Variants in COL2A1 observed in about 807,000 individuals in gnomAD.
The protein encoded by COL2A1 is collagen alpha-1(II) chain.
In COL2A1, 28 loss-of-function variants were observed where a neutral mutation model predicts 204.5. The ratio of observed to expected loss-of-function variants is 0.14; its 90% CI spans 0.10 to 0.19. The LOEUF is 0.19. COL2A1 is among the 10% of genes least tolerant of loss of function. COL2A1 has a pLI of 1.00. For synonymous variants in COL2A1, 708 were observed against 718.7 expected (o/e 0.99, Z 0.24); for missense variants, 1,388 against 2,027.5 (o/e 0.68, Z 6.06).
chr12:47,997,623 G>A lies in COL2A1; in HGVS notation c.514C>T (p.Pro172Ser). 6.2e-7 allele frequency: 1 copy of A among 1,613,820 alleles called. No individual in the cohort carries two copies. Among genetic ancestry groups the A allele is most frequent in the Non-Finnish European group, 8.5e-7 (1 of 1,179,902 alleles). The change falls in exon 7 of 54, where the codon CCC becomes TCC. Residue 172 changes from proline (P) to serine (S), a missense_variant. Physicochemically the swap from Pro to Ser is moderately conservative, Grantham distance 74. Around this residue, in one of 3 missense-constraint regions of COL2A1, gnomAD observed 201 missense variants for 242.4 expected, o/e 0.83. Coordinates refer to ENST00000380518, the MANE Select transcript of COL2A1 (RefSeq NM_001844.5). Reference protein sequence around the residue: ...GPPGPPGPPGPPGLGGNFAAQ... With the variant: ...GPPGPPGPPGSPGLGGNFAAQ... ...ATACTTACTCCACCAAGACCAGGGG[G>A]ACCAGGGGGGCCGGGAGGACCAGGG...
Position 47,987,496 on chromosome 12 carries a change from G to A in COL2A1, c.1221+115C>T. On this transcript the variant is annotated intron_variant, in intron 19 of 53. Transcript: ENST00000380518. The surrounding 1 kb of genome is among the most constrained non-coding windows in gnomAD (Gnocchi z 4.1). ...ATCTAGAGGTGGGGACAGGCATTGGGCCAGAATGAAGGTTTGGTGGTTGGA... is the reference window on the plus strand; with the variant it reads ...ATCTAGAGGTGGGGACAGGCATTGGACCAGAATGAAGGTTTGGTGGTTGGA... The A allele has an allele frequency of 9.1e-7, 1 of 1,101,576 alleles. No individual in the cohort carries two copies. The allele number at this position is 1,101,576 out of a possible 1,614,324, so 68.2% of individuals were successfully genotyped here.
intron 31 of COL2A1, 119 bp from the exon 32 acceptor site, chr12:47,983,256 C>A: frequency 6.7e-7 from 1 of 1,486,138 alleles, no homozygotes; most frequent in Non-Finnish European, 9.3e-7. Context: ...TCTGTGGAGG[C>A]TGGGACATGG....
Position 47,978,824 on chromosome 12 carries a change from A to T in COL2A1, c.2734-66T>A. ...CTTCCTCATCCAGGCTGCCAAAGTC[A>T]CTGTGGCCTCAGTGACAGCAGTTTC... On this transcript the variant is annotated intron_variant, in intron 41 of 53. Transcript: ENST00000380518. This position sits in a 1 kb window ranked among gnomAD's most constrained non-coding sequence, Gnocchi z 5.5. 6.4e-7 allele frequency: 1 copy of T among 1,569,898 alleles called. No homozygotes were observed. Among genetic ancestry groups the T allele is most frequent in the Non-Finnish European group, 8.7e-7 (1 of 1,143,462 alleles).
Position 47,980,853 on chromosome 12 carries a change from G to A in COL2A1, c.2517+62C>T. On this transcript the variant is annotated intron_variant, in intron 38 of 53. Transcript: ENST00000380518. This position sits in a 1 kb window ranked among gnomAD's most constrained non-coding sequence, Gnocchi z 4.5. ...CTCCCTGACAAGCTCCGATGCCCGA[G>A]GGTGCTGGATGTGGAACTGGCCTGA... The A allele has an allele frequency of 1.3e-6, 2 of 1,536,548 alleles. No individual in the cohort carries two copies. The highest frequency in any genetic ancestry group is 1.8e-6 in the Non-Finnish European group (2 of 1,133,210).
intron 1 of COL2A1, among the ~76,000 whole-genome samples, chr12:48,003,866 C>T (rs186522285): frequency 6.6e-6 from 1 of 152,168 alleles, no homozygotes; most frequent in African/African-American, 2.4e-5. Flanking sequence ...TTGCTGAACT[C>T]GAAGTGCTTC....
upstream of COL2A1, chr12:48,004,504 T>C (rs1274470557): frequency 3.7e-6 from 2 of 535,834 alleles, no homozygotes; most frequent in East Asian, 3.4e-5. Flanking sequence ...GCGCCCGTTA[T>C]ATGCGCCCGG....
In COL2A1 at chr12:47,976,384, G is replaced by T; in HGVS notation, c.3489+130C>A. On this transcript the variant is annotated intron_variant, in intron 49 of 53. Transcript: ENST00000380518. The surrounding 1 kb of genome is among the most constrained non-coding windows in gnomAD (Gnocchi z 4.3). ...GGCCATAGGCACATGAGCCAGTCCT[G>T]CCCCCATTACTGAGTGAGGACCCCT... 2 of 1,034,552 alleles carry T rather than the reference G, an allele frequency of 1.9e-6. No homozygotes were observed. The highest frequency in any genetic ancestry group is 1.5e-6 in the Non-Finnish European group (1 of 664,988). 64.1% of individuals were successfully genotyped at this position (1,034,552 alleles called of 1,614,324 possible). A position where few individuals can be genotyped will look rare whatever the true frequency, so the allele number is the denominator to read the frequency against.
chr12:47,989,734 G>C, intron 17 of COL2A1, 27 bp downstream of exon 17: 2 of 1,610,200 alleles, frequency 1.2e-6, no homozygotes, highest in Non-Finnish European at 1.7e-6. Context: ...CAGCAACAAT[G>C]ACCTGCTGAG....
In COL2A1 at chr12:47,973,240, G is replaced by T. The variant is rs1361638026; in HGVS notation, c.*167C>A. 2.4e-6 allele frequency: 2 copies of T among 835,334 alleles called. No individual in the cohort carries two copies. The highest frequency in any genetic ancestry group is 4.1e-6 in the Non-Finnish European group (2 of 482,278). 51.7% of individuals were successfully genotyped at this position (835,334 alleles called of 1,614,324 possible). On this transcript the variant is annotated 3_prime_UTR_variant, in exon 54 of 54. Coordinates refer to ENST00000380518, the MANE Select transcript of COL2A1 (RefSeq NM_001844.5). ...TTTATTTTGCAGTCTGCCCAGTTCA[G>T]GTCTCTTAGAAAGAGAGGGGAGAAA...
chr12:47,991,909 G>GT (rs1416950907), intron 16 of COL2A1, among the ~76,000 whole-genome samples: 1 of 152,156 alleles, frequency 6.6e-6, no homozygotes, highest in Non-Finnish European at 1.5e-5. Flanking sequence ...ACAAAGGGGG[G>GT]TCGAGGCTTC....
intron 2 of COL2A1, 80 bp from the exon 3 acceptor site, chr12:47,998,511 C>T: frequency 7.1e-7 from 1 of 1,416,268 alleles, no homozygotes; most frequent in Non-Finnish European, 9.8e-7. Context: ...CTCAAACACT[C>T]ATTAGATCAA....
rs971793101 is a variant in COL2A1, at chr12:47,977,995, G to A, written c.3111+15C>T. ...CTCCCCAATCAGGGCCACCCCAGGG[G>A]GTCTCACTGCTCACCTCTCGTCCAG... is the stretch of plus-strand genomic sequence containing the variant. On this transcript the variant is annotated intron_variant, in intron 44 of 53. Transcript: ENST00000380518. 1 of 1,610,288 alleles carries A rather than the reference G, an allele frequency of 6.2e-7. No homozygotes were observed.
intron 28 of COL2A1, 33 bp from the exon 29 acceptor site, chr12:47,984,173 A>T (rs557531678): frequency 1.9e-6 from 3 of 1,602,208 alleles, no homozygotes; most frequent in Non-Finnish European, 2.6e-6. Flanking sequence ...AGTCAATGAC[A>T]CGCTTTTCTT....
rs755304275 is a variant in COL2A1 at position 47,987,567 on chromosome 12, C to T, written c.1221+44G>A. ...AGTACAGAGTCAAGAGTTCCAAAGC[C>T]ACAGACCCCAGACCCCCCCAGGCCA... On this transcript the variant is annotated intron_variant, in intron 19 of 53. Coordinates refer to ENST00000380518, the MANE Select transcript of COL2A1 (RefSeq NM_001844.5). This position sits in a 1 kb window ranked among gnomAD's most constrained non-coding sequence, Gnocchi z 4.1. 3 of 1,534,226 alleles carry T rather than the reference C, an allele frequency of 2.0e-6. No homozygotes were observed. The highest frequency in any genetic ancestry group is 2.7e-6 in the Non-Finnish European group (3 of 1,118,058).
chr12:47,979,426 G>T, intron 41 of COL2A1, 85 bp downstream of exon 41: 2 of 1,442,104 alleles, frequency 1.4e-6, no homozygotes, highest in Non-Finnish European at 2.0e-6. Flanking sequence ...GTGAAGGCCA[G>T]CCTGGAGCTC....
At chr12:48,006,063 G>T (rs1447846875), upstream of COL2A1, 1 of 152,238 alleles carries the variant, frequency 6.6e-6, no homozygotes, top group African/African-American at 2.4e-5. Context: ...ACCTTCCACG[G>T]GCCTTGTCTG....
intron 14 of COL2A1, 105 bp from the exon 15 acceptor site, chr12:47,993,607 C>G (rs1939809291): frequency 8.6e-7 from 1 of 1,164,006 alleles, no homozygotes; most frequent in Admixed American, 1.7e-5. Context: ...CTCGCACTGA[C>G]ACAAACTTCA....
Position 47,992,549 on chromosome 12 carries a change from C to A in COL2A1, c.1023+329G>T, listed in dbSNP as rs77734886. On this transcript the variant is annotated intron_variant, in intron 16 of 53. Coordinates refer to ENST00000380518, the MANE Select transcript of COL2A1 (RefSeq NM_001844.5). ...AGCAACCAGGAAGAACAGAGAGTAG[C>A]ACGGTGGTGCTATAGCCAGCTAAGT... 3.9e-3 allele frequency among the ~76,000 whole-genome samples: 598 copies of A among 152,282 alleles called. 7 individuals carry two copies. The highest frequency in any genetic ancestry group is 0.014 in the African/African-American group (577 of 41,550).
intron 18 of COL2A1, among the ~76,000 whole-genome samples, chr12:47,988,967 T>A (rs2136586309): frequency 6.6e-6 from 1 of 152,368 alleles, no homozygotes; most frequent in East Asian, 1.9e-4. Flanking sequence ...ATCCCCGTCT[T>A]CTTCTCTGTC....
Sources: allele counts gnomAD v4.1 joint callset (sites outside exome capture counted in the v4.1 genomes callset), GRCh38; gene constraint gnomAD v4.1.1; regional missense constraint gnomAD v4.1.1; non-coding constraint Gnocchi (gnomAD v3.1); transcripts MANE v1.5; gene names NCBI Gene and HGNC (gene_info 2026-07-23, HGNC 2026-07-21).